The following GOLGA4 variants were observed in gnomAD, a reference collection of about 807,000 sequenced individuals.
The protein encoded by GOLGA4 is golgin A4, also known as golgin subfamily A member 4.
In GOLGA4, 169 loss-of-function variants were observed where a neutral mutation model predicts 265.9. The ratio of observed to expected loss-of-function variants is 0.64; its 90% CI spans 0.56 to 0.72. GOLGA4 has a LOEUF of 0.72. Among genes scored for constraint, GOLGA4 ranks in the 30% least tolerant of loss-of-function variants. The probability of loss-of-function intolerance (pLI) is 0.00; values close to 1 mark genes in which losing one functional copy is unlikely to be tolerated. For synonymous variants in GOLGA4, 923 were observed against 855.8 expected, an observed-to-expected ratio of 1.08 and a Z score of -1.37; for missense variants, 2,482 against 2,483.4, an observed-to-expected ratio of 1.00 and a Z score of 0.01.
In GOLGA4 at chr3:37,315,186, A is replaced by G. The variant is rs188588770; in HGVS notation, c.1235-234A>G. ...TTTCCAAACTTCTAAGCTTAGGCTCATATAAACAAGTCTTAATATCCTAAT... is the reference window on the plus strand; with the variant it reads ...TTTCCAAACTTCTAAGCTTAGGCTCGTATAAACAAGTCTTAATATCCTAAT... On this transcript the variant is annotated intron_variant, in intron 10 of 23. Transcript: ENST00000361924. Among the ~76,000 whole-genome samples, 75 of 152,346 alleles carry G rather than the reference A, an allele frequency of 4.9e-4. 1 individual carries two copies. The highest frequency in any genetic ancestry group is 3.4e-3 in the Middle Eastern group (1 of 294).
chr3:37,308,613 A>AAT (rs201501845), intron 10 of GOLGA4, among the ~76,000 whole-genome samples: 12 of 81,568 alleles, frequency 1.5e-4, no homozygotes, highest in Middle Eastern at 6.4e-3. Flanking sequence ...ATTAAAAGTA[A>AAT]ATATATATAT....
Position 37,324,274 on chromosome 3 carries a change from A to G in GOLGA4, c.2388A>G (p.Ala796=), listed in dbSNP as rs749880673. The G allele has an allele frequency of 8.7e-6, 14 of 1,613,958 alleles. No homozygotes were observed. Among genetic ancestry groups the G allele is most frequent in the Admixed American group, 5.0e-5 (3 of 60,014 alleles). The change falls in exon 14 of 24, where the codon GCA becomes GCG. Residue 796 remains alanine (A), a synonymous_variant. Coordinates refer to ENST00000361924, the MANE Select transcript of GOLGA4 (RefSeq NM_002078.5). ...IKRSEGELQQ[A]SAKLDVFQSY... is the part of the protein sequence containing the mutation. The stretch of plus-strand genomic sequence containing the variant: ...GGTCTGAAGGGGAACTCCAGCAGGC[A>G]TCTGCTAAGCTGGACGTTTTTCAGT...
rs1005333096 is a variant in GOLGA4 at position 37,316,591 on chromosome 3, A to G, written c.1413+993A>G. Among the ~76,000 whole-genome samples the G allele has an allele frequency of 4.6e-5, 7 of 152,360 alleles. No individual in the cohort carries two copies. The South Asian group carries it at 1.2e-3, about 27-fold the overall frequency. On this transcript the variant is annotated intron_variant, in intron 11 of 23. Transcript: ENST00000361924. ...CTATATTTTAAGTTTTAAAATAGTC[A>G]TATGATGTGATAAGTAATGTTATCA...
chr3:37,289,733 C>A (rs1014223154), intron 5 of GOLGA4, among the ~76,000 whole-genome samples: 1 of 152,122 alleles, frequency 6.6e-6, no homozygotes, highest in African/African-American at 2.4e-5. Context: ...CACTTGCCAT[C>A]GGAGTAGGCA....
Position 37,243,488 on chromosome 3 carries a change from GGACTCCCC to G in GOLGA4, c.-61_-54del. 6.9e-7 allele frequency: 1 copy of G among 1,457,366 alleles called. No individual in the cohort carries two copies. The highest frequency in any genetic ancestry group is 9.6e-7 in the Non-Finnish European group (1 of 1,037,660). The allele number at this position is 1,457,366 out of a possible 1,614,324, so 90.3% of individuals were successfully genotyped here. On this transcript the variant is annotated 5_prime_UTR_variant, in exon 1 of 24. Transcript: ENST00000361924. ...GAAGTCGCCGTAGCCGTCGCGGCCG[GGACTCCCC>G]GGGCTCTCGCCCTTCAGGTTTCGTT...
At chr3:37,327,995 G>A (rs562397206) in intron 14 of GOLGA4, among the ~76,000 whole-genome samples, 170 bp downstream of exon 14, 1 of 151,906 alleles carries the variant, frequency 6.6e-6, no homozygotes, top group Non-Finnish European at 1.5e-5. Flanking sequence ...ACAATTTAGG[G>A]CAAGTGGCAG....
intron 2 of GOLGA4, among the ~76,000 whole-genome samples, chr3:37,257,930 TATATACATAC>T (rs1327683937): frequency 3.5e-5 from 4 of 114,128 alleles, no homozygotes; most frequent in African/African-American, 1.3e-4. Flanking sequence ...TATATATGTA[TATATACATAC>T]ATATATATGT....
Position 37,268,910 on chromosome 3 carries a change from A to G in GOLGA4, c.163-13048A>G, listed in dbSNP as rs529671528. 6.6e-4 allele frequency among the ~76,000 whole-genome samples: 100 copies of G among 152,356 alleles called. 1 individual carries two copies. In the South Asian group the frequency reaches 0.019, roughly 30 times the overall value. ...TTCTCCCAATGGAACAAGGGAAACC[A>G]TAGCATATCCCATATTAGAATAAAA... is the stretch of plus-strand genomic sequence containing the variant. On this transcript the variant is annotated intron_variant, in intron 2 of 23. Transcript: ENST00000361924.
intron 12 of GOLGA4, among the ~76,000 whole-genome samples, chr3:37,320,648 TG>T (rs2096952294): frequency 6.6e-6 from 1 of 152,084 alleles, no homozygotes; most frequent in African/African-American, 2.4e-5. Flanking sequence ...AAATTAAAAA[TG>T]GGGGCAAGAA....
At chr3:37,279,121 G>A (rs1048358278) in intron 2 of GOLGA4, among the ~76,000 whole-genome samples, 1 of 152,160 alleles carries the variant, frequency 6.6e-6, no homozygotes, top group Non-Finnish European at 1.5e-5. Flanking sequence ...TTGACAGCAA[G>A]GTTGAAGACA....
chr3:37,356,616 T>A (rs1438705154), intron 22 of GOLGA4, among the ~76,000 whole-genome samples: 1 of 152,140 alleles, frequency 6.6e-6, no homozygotes, highest in Non-Finnish European at 1.5e-5. Context: ...TGTTTTAAAT[T>A]ATAATGAACA....
intron 21 of GOLGA4, among the ~76,000 whole-genome samples, chr3:37,352,393 C>G (rs1269703422): frequency 6.6e-6 from 1 of 152,016 alleles, no homozygotes; most frequent in Admixed American, 6.6e-5. Flanking sequence ...AATTCACTCA[C>G]TATCACAAGA....
At chr3:37,251,939 T>C (rs1336575263) in intron 2 of GOLGA4, among the ~76,000 whole-genome samples, 1 of 152,220 alleles carries the variant, frequency 6.6e-6, no homozygotes, top group African/African-American at 2.4e-5. Context: ...AATTATGCTT[T>C]ATAAAGTATG....
intron 18 of GOLGA4, 148 bp downstream of exon 18, chr3:37,337,311 G>A: frequency 1.6e-6 from 1 of 615,550 alleles, no homozygotes; most frequent in East Asian, 2.8e-5. Context: ...GTATTCTCAT[G>A]CCTTAGTCTC....
At chr3:37,333,704 T>C (rs1056675453) in intron 16 of GOLGA4, among the ~76,000 whole-genome samples, 2 of 152,060 alleles carry the variant, frequency 1.3e-5, no homozygotes, top group African/African-American at 4.8e-5. Flanking sequence ...GATGGTGTTT[T>C]AGAGGTGGAG....
intron 12 of GOLGA4, among the ~76,000 whole-genome samples, chr3:37,320,978 T>C (rs2096953272): frequency 1.3e-5 from 2 of 152,222 alleles, no homozygotes; most frequent in South Asian, 4.1e-4. Flanking sequence ...AAATCTTTCC[T>C]TAATTTAAGT....
chr3:37,295,211 AT>A, intron 6 of GOLGA4, 134 bp downstream of exon 6: 4 of 514,878 alleles, frequency 7.8e-6, no homozygotes, highest in Admixed American at 3.9e-5. Flanking sequence ...GCTTTCCTCA[AT>A]TTTTTTTATT....
chr3:37,333,354 TG>T (rs1465959806), intron 16 of GOLGA4, among the ~76,000 whole-genome samples: 3 of 152,222 alleles, frequency 2.0e-5, no homozygotes, highest in Admixed American at 6.5e-5. Context: ...TTTTTCTTAG[TG>T]TTTTTACTTC....
Position 37,324,198 on chromosome 3 carries a change from A to G in GOLGA4, c.2312A>G (p.His771Arg). ...LELLLKERDK[H>R]LKEHQAHVEN... ...CTTCTCTTGAAGGAAAGGGACAAGCATTTGAAAGAGCATCAGGCTCATGTA... is the reference window on the plus strand; with the variant it reads ...CTTCTCTTGAAGGAAAGGGACAAGCGTTTGAAAGAGCATCAGGCTCATGTA... Residue 771 changes from histidine to arginine, a missense_variant, in exon 14 of 24, where the codon CAT (histidine) becomes CGT (arginine). Coordinates refer to ENST00000361924, the MANE Select transcript of GOLGA4 (RefSeq NM_002078.5). The G allele has an allele frequency of 6.2e-7, 1 of 1,614,190 alleles. No individual in the cohort carries two copies. The highest frequency in any genetic ancestry group is 8.5e-7 in the Non-Finnish European group (1 of 1,180,022).
Sources: gnomAD v4.1 joint callset for allele counts (sites outside exome capture counted in the v4.1 genomes callset) on GRCh38, gnomAD v4.1.1 for gene constraint, MANE v1.5 for transcripts, NCBI Gene and HGNC (gene_info 2026-07-23, HGNC 2026-07-21) for gene names.